Variants in PTPRD observed in about 807,000 individuals in gnomAD.
PTPRD encodes the protein protein tyrosine phosphatase receptor type D, also known as receptor-type tyrosine-protein phosphatase delta.
Under a neutral mutation model 214.5 loss-of-function variants are expected in PTPRD, and 34 were observed. The observed-to-expected ratio is 0.16, with a 90% confidence interval of 0.12 to 0.21. The LOEUF (loss-of-function observed/expected upper bound fraction) is 0.21. Ranked by LOEUF, PTPRD falls within the 10% of genes least tolerant of loss-of-function variation. The pLI, the probability that PTPRD is intolerant of heterozygous loss-of-function variation, is 1.00. For missense variants in PTPRD, 2,545 were observed against 2,398.7 expected (o/e 1.06, Z -1.27); for synonymous variants, 1,128 against 845.7 (o/e 1.33, Z -5.79).
At chr9:9,616,389 G>T (rs2094863021) in intron 7 of PTPRD, among the ~76,000 whole-genome samples, 1 of 152,048 alleles carries the variant, frequency 6.6e-6, no homozygotes. Context: ...AAGTTTCTGT[G>T]AATCTTATCG....
rs560340489 is a variant in PTPRD at position 8,577,712 on chromosome 9, A to G, written c.353-48933T>C. 6.6e-5 allele frequency among the ~76,000 whole-genome samples: 10 copies of G among 152,290 alleles called. No homozygotes were observed. In the South Asian group the frequency reaches 2.1e-3, roughly 32 times the overall value. ...GACTTTAATACATCTTTGTTATTCT[A>G]CTTATACTCAACTGCAGTAGCTATA... On this transcript the variant is annotated intron_variant, in intron 14 of 45. Transcript: ENST00000381196.
chr9:9,574,208 C>T (rs956060798), intron 8 of PTPRD, among the ~76,000 whole-genome samples: 2 of 151,834 alleles, frequency 1.3e-5, no homozygotes, highest in Non-Finnish European at 2.9e-5. Context: ...CATATAACCA[C>T]AGAAGTTAAT....
intron 7 of PTPRD, among the ~76,000 whole-genome samples, chr9:9,617,932 C>A (rs1389499714): frequency 6.6e-6 from 1 of 151,200 alleles, no homozygotes; most frequent in Non-Finnish European, 1.5e-5. Flanking sequence ...ATTAGCCGGG[C>A]ATGGTGGCGG....
intron 2 of PTPRD, among the ~76,000 whole-genome samples, chr9:10,364,111 T>C (rs1013777689): frequency 3.2e-4 from 47 of 147,260 alleles, no homozygotes; most frequent in Admixed American, 9.6e-4. Context: ...GCCATTCTCC[T>C]ACCTCAGCCT....
At chr9:9,355,533 A>G (rs1254175294) in intron 9 of PTPRD, among the ~76,000 whole-genome samples, 2 of 151,768 alleles carry the variant, frequency 1.3e-5, no homozygotes, top group Middle Eastern at 3.4e-3. Context: ...AGGAGTTGCT[A>G]TCATTTGAGA....
intron 27 of PTPRD, among the ~76,000 whole-genome samples, chr9:8,488,386 T>G (rs1163511509): frequency 6.6e-6 from 1 of 152,218 alleles, no homozygotes; most frequent in Non-Finnish European, 1.5e-5. Context: ...TTTCTAAAGT[T>G]TTTAGATAAA....
chr9:9,842,097 C>T (rs1013947993), intron 5 of PTPRD, among the ~76,000 whole-genome samples: 1 of 151,758 alleles, frequency 6.6e-6, no homozygotes, highest in East Asian at 1.9e-4. Flanking sequence ...TGTATATATA[C>T]ATATTTATAC....
chr9:10,044,142 T>C lies in PTPRD; in HGVS notation c.-544-10352A>G, dbSNP rs188621958. 5.3e-5 allele frequency among the ~76,000 whole-genome samples: 8 copies of C among 151,616 alleles called. No individual in the cohort carries two copies. In the East Asian group the frequency reaches 1.4e-3, roughly 26 times the overall value. On this transcript the variant is annotated intron_variant, in intron 3 of 45. Coordinates refer to ENST00000381196, the MANE Select transcript of PTPRD (RefSeq NM_002839.4). ...CATCTACTGTTGAAGACATCTATAA[T>C]TCACTGGAACTGTGAATGTGTAGAA...
intron 2 of PTPRD, among the ~76,000 whole-genome samples, chr9:10,528,962 T>C (rs2055210767): frequency 6.6e-6 from 1 of 152,184 alleles, no homozygotes. Context: ...GAAATTGACT[T>C]TTTTAATTAA....
At chr9:8,549,887 T>C (rs1009742649) in intron 14 of PTPRD, among the ~76,000 whole-genome samples, 2 of 152,184 alleles carry the variant, frequency 1.3e-5, no homozygotes, top group African/African-American at 4.8e-5. Context: ...AGGGTACCAT[T>C]TCAAGCTCTT....
At chr9:9,402,156 T>C (rs1261420137) in intron 8 of PTPRD, among the ~76,000 whole-genome samples, 2 of 152,094 alleles carry the variant, frequency 1.3e-5, no homozygotes, top group African/African-American at 2.4e-5. Context: ...CAAAACATAT[T>C]TGAAATACTG....
chr9:8,426,139 A>T (rs2094651728), intron 35 of PTPRD, among the ~76,000 whole-genome samples: 1 of 152,226 alleles, frequency 6.6e-6, no homozygotes, highest in Admixed American at 6.5e-5. Flanking sequence ...CAATAACAAG[A>T]GCCACTTCTG....
intron 11 of PTPRD, among the ~76,000 whole-genome samples, chr9:8,868,415 G>A (rs1708917133): frequency 6.6e-6 from 1 of 152,052 alleles, no homozygotes; most frequent in Admixed American, 6.6e-5. Flanking sequence ...TGTTGGCCAG[G>A]CTGGTCTCGA....
In PTPRD at chr9:9,901,859, A is replaced by C. The variant is rs1275388109; in HGVS notation, c.-368+36648T>G. 3.9e-5 allele frequency among the ~76,000 whole-genome samples: 6 copies of C among 152,290 alleles called. No homozygotes were observed. The East Asian group carries it at 1.2e-3, about 29-fold the overall frequency. On this transcript the variant is annotated intron_variant, in intron 5 of 45. Transcript: ENST00000381196. ...CATGTCAGAGCCAGAGAGCAAGAGC[A>C]GGGGGAAGTGCTACACACTCTCAAA...
At chr9:8,417,914 G>C (rs1000902533) in intron 35 of PTPRD, among the ~76,000 whole-genome samples, 19 of 152,168 alleles carry the variant, frequency 1.2e-4, no homozygotes, top group Admixed American at 5.2e-4. Flanking sequence ...CTCTTTGAAA[G>C]AGTATTAAAT....
intron 9 of PTPRD, among the ~76,000 whole-genome samples, chr9:9,327,009 G>A (rs1218619585): frequency 6.6e-6 from 1 of 151,998 alleles, no homozygotes; most frequent in African/African-American, 2.4e-5. Flanking sequence ...AAAGCTAAAG[G>A]GACAAAGTAA....
At chr9:9,607,808 A>C (rs529742381) in intron 7 of PTPRD, among the ~76,000 whole-genome samples, 1 of 152,230 alleles carries the variant, frequency 6.6e-6, no homozygotes. Context: ...ATAGATTCCG[A>C]AGGCTTGCCC....
chr9:10,431,207 A>G (rs982625475), intron 2 of PTPRD, among the ~76,000 whole-genome samples: 1 of 151,970 alleles, frequency 6.6e-6, no homozygotes, highest in South Asian at 2.1e-4. Flanking sequence ...TCACTGTTTG[A>G]AAGGTTTCTT....
Position 10,443,985 on chromosome 9 carries a change from T to C in PTPRD, c.-599-102968A>G, listed in dbSNP as rs1452343862. ...ATTAATAGGCCACACTGAGTGCTGATTGTGGCTTTCTTTAAACCAGTTGCC... is the reference window on the plus strand; with the variant it reads ...ATTAATAGGCCACACTGAGTGCTGACTGTGGCTTTCTTTAAACCAGTTGCC... On this transcript the variant is annotated intron_variant, in intron 2 of 45. Transcript: ENST00000381196. 3.3e-5 allele frequency among the ~76,000 whole-genome samples: 5 copies of C among 151,748 alleles called. No individual in the cohort carries two copies. The South Asian group carries it at 1.0e-3, about 31-fold the overall frequency.
Sources: allele counts gnomAD v4.1 joint callset (sites outside exome capture counted in the v4.1 genomes callset), GRCh38; gene constraint gnomAD v4.1.1; transcripts MANE v1.5; gene names NCBI Gene and HGNC (gene_info 2026-07-23, HGNC 2026-07-21).